Variants in TRDN observed in about 807,000 individuals in gnomAD.
The protein encoded by TRDN is triadin, also known as triadin in skeletal muscle.
In TRDN, 161 loss-of-function variants were observed where a neutral mutation model predicts 149.7. The observed-to-expected ratio is 1.08, with a 90% CI of 0.95 to 1.23. The LOEUF (loss-of-function observed/expected upper bound fraction) is 1.23, where lower values mean the gene tolerates loss of function less well. Ranked by LOEUF, TRDN falls within the 50% of genes most tolerant of loss-of-function variation. The pLI, the probability that TRDN is intolerant of heterozygous loss-of-function variation, is 0.00. For synonymous variants in TRDN, 294 were observed against 250.5 expected, an observed-to-expected ratio of 1.17 and a Z score of -1.64; for missense variants, 896 against 823.5, an observed-to-expected ratio of 1.09 and a Z score of -1.08.
At chr6:123,509,088 C>CAT (rs1202491893) in intron 7 of TRDN, among the ~76,000 whole-genome samples, 1 of 151,858 alleles carries the variant, frequency 6.6e-6, no homozygotes, top group Non-Finnish European at 1.5e-5. Context: ...CATATGCATA[C>CAT]ATATATACAC....
rs143988812 is a variant in TRDN, at chr6:123,627,395, T to C, written c.22+9359A>G. On this transcript the variant is annotated intron_variant, in intron 1 of 40. Transcript: ENST00000334268. ...GCATTGTCAATAAGCAGAAATACTTTGGAAGAATTTTTTTTTTGAGTAGTA... is the reference window on the plus strand; with the variant it reads ...GCATTGTCAATAAGCAGAAATACTTCGGAAGAATTTTTTTTTTGAGTAGTA... Among the ~76,000 whole-genome samples the C allele has an allele frequency of 3.7e-3, 560 of 152,260 alleles. 2 individuals carry two copies. The highest frequency in any genetic ancestry group is 0.01 in the Middle Eastern group (3 of 294).
chr6:123,529,195 C>A, intron 5 of TRDN: 1 of 1,547,576 alleles, frequency 6.5e-7, no homozygotes, highest in East Asian at 2.4e-5. Context: ...TGGTGTGGAA[C>A]CAGTTGAGTT....
chr6:123,298,463 T>C (rs1778286814), intron 24 of TRDN, among the ~76,000 whole-genome samples: 1 of 152,054 alleles, frequency 6.6e-6, no homozygotes, highest in Non-Finnish European at 1.5e-5. Context: ...AGAGATAATT[T>C]GTACTCTCAA....
intron 4 of TRDN, among the ~76,000 whole-genome samples, chr6:123,545,215 C>G (rs1470883427): frequency 6.6e-6 from 1 of 151,842 alleles, no homozygotes; most frequent in Admixed American, 6.6e-5. Context: ...AAAAGACTAT[C>G]ATTCTACATT....
intron 2 of TRDN, among the ~76,000 whole-genome samples, chr6:123,552,070 C>T (rs1375042085): frequency 3.3e-5 from 5 of 152,140 alleles, no homozygotes; most frequent in African/African-American, 1.2e-4. Context: ...CTTGAAGTAT[C>T]CAATGTTGAA....
At chr6:123,350,634 TA>T in intron 21 of TRDN, 1 of 752,952 alleles carries the variant, frequency 1.3e-6, no homozygotes, top group Non-Finnish European at 1.6e-6. Context: ...ACAAAATATC[TA>T]TTTTTTGTAT....
intron 21 of TRDN, among the ~76,000 whole-genome samples, chr6:123,346,840 G>T (rs1413869722): frequency 6.6e-6 from 1 of 151,910 alleles, no homozygotes; most frequent in Admixed American, 6.6e-5. Context: ...GATGATAAAG[G>T]GCTCAGAACT....
intron 8 of TRDN, chr6:123,498,652 T>C (rs1338655572): frequency 1.5e-5 from 7 of 469,980 alleles, no homozygotes; most frequent in Middle Eastern, 3.2e-4. Flanking sequence ...AACCCTATGA[T>C]TGGGAAAGAC....
At chr6:123,390,757 G>T (rs1782078797) in intron 13 of TRDN, among the ~76,000 whole-genome samples, 1 of 152,088 alleles carries the variant, frequency 6.6e-6, no homozygotes, top group Non-Finnish European at 1.5e-5. Context: ...TATGGGATTG[G>T]ATGACTCCTG....
chr6:123,452,164 G>A lies in TRDN; in HGVS notation c.931+12742C>T, dbSNP rs7767731. 9.4e-3 allele frequency among the ~76,000 whole-genome samples: 1,424 copies of A among 152,200 alleles called. 18 individuals are homozygous for A. The highest frequency in any genetic ancestry group is 0.033 in the African/African-American group (1,372 of 41,524). On this transcript the variant is annotated intron_variant, in intron 10 of 40. Transcript: ENST00000334268. Reference sequence around the variant, plus strand: ...TATATTGAATGGGTAAAAGTTGAAAGCATTCCCTCTGAGAGCTGGAACAAG... The same window carrying A: ...TATATTGAATGGGTAAAAGTTGAAAACATTCCCTCTGAGAGCTGGAACAAG...
At chr6:123,412,635 T>C (rs950693094) in intron 12 of TRDN, among the ~76,000 whole-genome samples, 14 of 152,212 alleles carry the variant, frequency 9.2e-5, no homozygotes, top group African/African-American at 1.2e-4. Context: ...GTAAGCAAGA[T>C]GCCTGATCAT....
chr6:123,534,904 A>G (rs1378108258), intron 4 of TRDN, among the ~76,000 whole-genome samples: 1 of 152,136 alleles, frequency 6.6e-6, no homozygotes, highest in African/African-American at 2.4e-5. Context: ...ACTTAGAAGA[A>G]AGGCAAGGCA....
At chr6:123,472,266 C>T (rs1012273769) in intron 9 of TRDN, among the ~76,000 whole-genome samples, 8 of 152,180 alleles carry the variant, frequency 5.3e-5, no homozygotes, top group Admixed American at 5.2e-4. Context: ...TTGCCTCAGT[C>T]GGGAAGTGCA....
At chr6:123,289,463 A>T (rs796875941) in intron 24 of TRDN, among the ~76,000 whole-genome samples, 2 of 152,108 alleles carry the variant, frequency 1.3e-5, no homozygotes, top group African/African-American at 4.8e-5. Context: ...GCAGAACTCA[A>T]CTCTGGAGGT....
chr6:123,344,308 G>T (rs1318348698), intron 21 of TRDN, among the ~76,000 whole-genome samples: 1 of 151,848 alleles, frequency 6.6e-6, no homozygotes, highest in African/African-American at 2.4e-5. Context: ...TTTACATTAG[G>T]GTTCAATCTT....
intron 1 of TRDN, among the ~76,000 whole-genome samples, chr6:123,589,803 G>T (rs771270982): frequency 6.6e-6 from 1 of 152,154 alleles, no homozygotes; most frequent in Non-Finnish European, 1.5e-5. Context: ...GCTTAAGACT[G>T]TAGGCAGAAA....
chr6:123,586,618 G>GT (rs1299114069), intron 1 of TRDN, among the ~76,000 whole-genome samples: 7 of 152,122 alleles, frequency 4.6e-5, no homozygotes, highest in African/African-American at 1.7e-4. Flanking sequence ...CTACTGTCGA[G>GT]TTTGTATTGG....
intron 24 of TRDN, among the ~76,000 whole-genome samples, chr6:123,300,571 A>G (rs544746183): frequency 6.6e-6 from 1 of 151,954 alleles, no homozygotes; most frequent in South Asian, 2.1e-4. Flanking sequence ...TTCGGAAGCT[A>G]TTAATGACAC....
chr6:123,382,832 C>T (rs1781771510), intron 14 of TRDN, among the ~76,000 whole-genome samples: 1 of 151,934 alleles, frequency 6.6e-6, no homozygotes, highest in Non-Finnish European at 1.5e-5. Context: ...GGCCATGAAA[C>T]TTTCTGCTCC....
Sources: allele counts gnomAD v4.1 joint callset (sites outside exome capture counted in the v4.1 genomes callset), GRCh38; gene constraint gnomAD v4.1.1; transcripts MANE v1.5; gene names NCBI Gene and HGNC (gene_info 2026-07-23, HGNC 2026-07-21).